The following EPHB1 variants were observed in gnomAD, a reference collection of about 807,000 sequenced individuals.
EPHB1 encodes the protein EPH receptor B1.
Under a neutral mutation model 94.4 loss-of-function variants are expected in EPHB1, and 30 were observed. That is an observed-to-expected ratio of 0.32 (90% CI 0.24 to 0.43). EPHB1 has a LOEUF of 0.43. EPHB1 is among the 20% of genes least tolerant of loss of function. The probability of loss-of-function intolerance (pLI) is 1.00; values close to 1 mark genes in which losing one functional copy is unlikely to be tolerated. For synonymous variants in EPHB1, 522 were observed against 489.1 expected (o/e 1.07, Z -0.89); for missense variants, 1,055 against 1,308.3 (o/e 0.81, Z 2.99).
intron 5 of EPHB1, among the ~76,000 whole-genome samples, chr3:135,135,801 T>C (rs1261843262): frequency 1.3e-5 from 2 of 152,366 alleles, no homozygotes; most frequent in East Asian, 1.9e-4. Flanking sequence ...CCTGTGTTTA[T>C]TGAATGCGTA....
At chr3:135,039,797 C>T (rs547267354) in intron 3 of EPHB1, among the ~76,000 whole-genome samples, 4 of 152,352 alleles carry the variant, frequency 2.6e-5, no homozygotes, top group East Asian at 1.9e-4. Context: ...CCCCGGTTCC[C>T]GCTCGTGCCT....
In EPHB1 at chr3:135,238,384, G is replaced by A. The variant is rs917232746; in HGVS notation, c.2347-2764G>A. ...GGTGACAGCCCAAGCTCAGTGTTCAGTGAGGCCCAACAGTGCAAGGTGGCA... is the reference window on the plus strand; with the variant it reads ...GGTGACAGCCCAAGCTCAGTGTTCAATGAGGCCCAACAGTGCAAGGTGGCA... On this transcript the variant is annotated intron_variant, in intron 12 of 15. Coordinates refer to ENST00000398015, the MANE Select transcript of EPHB1 (RefSeq NM_004441.5). Among the ~76,000 whole-genome samples, 11 of 152,220 alleles carry A rather than the reference G, an allele frequency of 7.2e-5. No homozygotes were observed. In the South Asian group the frequency reaches 2.1e-3, roughly 29 times the overall value.
intron 1 of EPHB1, among the ~76,000 whole-genome samples, chr3:134,830,955 T>G (rs1462831832): frequency 6.6e-6 from 1 of 152,210 alleles, no homozygotes; most frequent in Non-Finnish European, 1.5e-5. Flanking sequence ...GAAGGGATTT[T>G]AAACTCCTCC....
chr3:134,951,048 C>A lies in EPHB1; in HGVS notation c.124-323C>A, dbSNP rs1371810576. On this transcript the variant is annotated intron_variant, in intron 2 of 15. Coordinates refer to ENST00000398015, the MANE Select transcript of EPHB1 (RefSeq NM_004441.5). This position sits in a 1 kb window ranked among gnomAD's most constrained non-coding sequence, Gnocchi z 4.5. ...AAGTGAGGAAGAAAGTCCCTGCCAT[C>A]ACATGGGCTGAAAGCTGCATGTTGT... Among the ~76,000 whole-genome samples the A allele has an allele frequency of 6.6e-6, 1 of 152,156 alleles. No homozygotes were observed. Among genetic ancestry groups the A allele is most frequent in the Non-Finnish European group, 1.5e-5 (1 of 68,034 alleles).
intron 9 of EPHB1, among the ~76,000 whole-genome samples, chr3:135,171,939 A>G (rs775252001): frequency 1.3e-5 from 2 of 152,252 alleles, no homozygotes; most frequent in Non-Finnish European, 2.9e-5. Context: ...TAAAACTCAG[A>G]TCTGTCTGAC....
chr3:134,804,072 T>A (rs13086675), intron 1 of EPHB1, among the ~76,000 whole-genome samples: 1 of 2,916 alleles, frequency 3.4e-4, no homozygotes, highest in Admixed American at 4.4e-3. Flanking sequence ...TTATTGGCTA[T>A]TTTTTTTTTT....
At chr3:134,934,210 A>G (rs986115284) in intron 2 of EPHB1, among the ~76,000 whole-genome samples, 3 of 152,254 alleles carry the variant, frequency 2.0e-5, no homozygotes, top group African/African-American at 7.2e-5. Context: ...TGTCACTTCT[A>G]TGAAGCAATG....
At chr3:135,222,825 A>G (rs1943303109) in intron 12 of EPHB1, among the ~76,000 whole-genome samples, 2 of 152,218 alleles carry the variant, frequency 1.3e-5, no homozygotes, top group South Asian at 4.1e-4. Context: ...TCAGTGAACC[A>G]ATACACTGGG....
At chr3:134,838,116 G>A (rs148510748) in intron 1 of EPHB1, among the ~76,000 whole-genome samples, 30 of 152,272 alleles carry the variant, frequency 2.0e-4, no homozygotes, top group Non-Finnish European at 4.3e-4. Context: ...ACACACTCAT[G>A]CCCCATGGAT....
intron 3 of EPHB1, among the ~76,000 whole-genome samples, chr3:135,065,830 A>G (rs531553524): frequency 4.6e-5 from 7 of 152,288 alleles, no homozygotes; most frequent in African/African-American, 1.7e-4. Context: ...CTGTTTTGAT[A>G]TGTTTCCAGC....
intron 5 of EPHB1, among the ~76,000 whole-genome samples, chr3:135,148,521 C>A (rs903627714): frequency 6.6e-6 from 1 of 152,094 alleles, no homozygotes; most frequent in Non-Finnish European, 1.5e-5. Context: ...GGTGGTCTGC[C>A]AGGCTGCATC....
intron 4 of EPHB1, among the ~76,000 whole-genome samples, chr3:135,110,819 G>A (rs559662279): frequency 6.6e-6 from 1 of 152,098 alleles, no homozygotes; most frequent in African/African-American, 2.4e-5. Context: ...ATCTTTTAAG[G>A]TGCTGGCAGT....
chr3:134,851,086 T>C (rs1363629038), intron 1 of EPHB1, among the ~76,000 whole-genome samples: 1 of 152,232 alleles, frequency 6.6e-6, no homozygotes, highest in Non-Finnish European at 1.5e-5. Context: ...GGAAAGGTGC[T>C]GGTCCTGTGT....
chr3:135,065,155 G>T (rs113788484), intron 3 of EPHB1, among the ~76,000 whole-genome samples: 5,700 of 152,176 alleles, frequency 0.037, 161 homozygotes, highest in East Asian at 0.14. Context: ...TCCGTGCACT[G>T]TTGAATAGAA....
intron 5 of EPHB1, among the ~76,000 whole-genome samples, chr3:135,151,997 A>G (rs545691032): frequency 4.1e-4 from 63 of 152,352 alleles, no homozygotes; most frequent in Non-Finnish European, 4.7e-4. Context: ...ACAGATCATG[A>G]TAGATATTAG....
At chr3:135,007,894 G>A (rs797003741) in intron 3 of EPHB1, among the ~76,000 whole-genome samples, 2 of 152,280 alleles carry the variant, frequency 1.3e-5, no homozygotes, top group African/African-American at 4.8e-5. Flanking sequence ...AGCACCAGGC[G>A]ATGACATCCC....
At chr3:135,079,240 C>T (rs948198716) in intron 3 of EPHB1, among the ~76,000 whole-genome samples, 3 of 152,164 alleles carry the variant, frequency 2.0e-5, no homozygotes, top group African/African-American at 4.8e-5. Context: ...GATCATGGGG[C>T]GTTGAGTCTA....
At chr3:135,112,375 A>G (rs1939481922) in intron 4 of EPHB1, among the ~76,000 whole-genome samples, 1 of 152,136 alleles carries the variant, frequency 6.6e-6, no homozygotes, top group Non-Finnish European at 1.5e-5. Context: ...TGTCTACACA[A>G]TGAGGGTGAT....
chr3:134,929,020 G>A (rs1307302430), intron 2 of EPHB1, among the ~76,000 whole-genome samples: 1 of 152,202 alleles, frequency 6.6e-6, no homozygotes, highest in African/African-American at 2.4e-5. Flanking sequence ...AGCACAGGAA[G>A]CCAGAAAGCA....
Sources: allele counts gnomAD v4.1 joint callset (sites outside exome capture counted in the v4.1 genomes callset), GRCh38; gene constraint gnomAD v4.1.1; non-coding constraint Gnocchi (gnomAD v3.1); transcripts MANE v1.5; gene names NCBI Gene and HGNC (gene_info 2026-07-23, HGNC 2026-07-21).